E2F7: variants seen among roughly 807,000 people sequenced by gnomAD.
E2F7 encodes transcription factor E2F7.
In E2F7, 35 loss-of-function variants were observed where a neutral mutation model predicts 81.1. The ratio of observed to expected loss-of-function variants is 0.43; its 90% CI spans 0.33 to 0.57. The LOEUF (loss-of-function observed/expected upper bound fraction) is 0.57, where lower values mean the gene tolerates loss of function less well. Ranked by LOEUF, E2F7 falls within the 20% of genes least tolerant of loss-of-function variation. The probability of loss-of-function intolerance (pLI) is 0.04; values close to 1 mark genes in which losing one functional copy is unlikely to be tolerated. For synonymous variants in E2F7, 416 were observed against 416.2 expected (o/e 1.00, Z 0.01); for missense variants, 961 against 1,093.7 (o/e 0.88, Z 1.71).
Position 77,023,443 on chromosome 12 carries a change from T to C in E2F7, c.*572A>G, listed in dbSNP as rs1456250553. ...TGCAGGGCAAATTATAGAATAAAAG[T>C]ATAAACATTCAAGTCGTCATACCCT... On this transcript the variant is annotated 3_prime_UTR_variant, in exon 13 of 13. Transcript: ENST00000322886. 6.5e-6 allele frequency: 1 copy of C among 152,770 alleles called. No individual in the cohort carries two copies. The highest frequency in any genetic ancestry group is 2.4e-5 in the African/African-American group (1 of 41,452). The allele number at this position is 152,770 out of a possible 1,614,324, so 9.5% of individuals were successfully genotyped here.
chr12:77,032,321 T>C (rs1295375190), intron 9 of E2F7, among the ~76,000 whole-genome samples: 1 of 152,230 alleles, frequency 6.6e-6, no homozygotes, highest in East Asian at 1.9e-4. Context: ...TGAATGATTT[T>C]TCCTTTTCCT....
rs1310656814 is a variant in E2F7, at chr12:77,023,233, TCA to T, written c.*780_*781del. 3 of 152,656 alleles carry T rather than the reference TCA, an allele frequency of 2.0e-5. No homozygotes were observed. Among genetic ancestry groups the T allele is most frequent in the Admixed American group, 6.5e-5 (1 of 15,286 alleles). 9.5% of individuals were successfully genotyped at this position (152,656 alleles called of 1,614,324 possible). On this transcript the variant is annotated 3_prime_UTR_variant, in exon 13 of 13. Transcript: ENST00000322886. ...GAAACAAACAGTAATATCTCACTGTTCACACAGTTATTTGAGAAGCAGCAGTT... is the reference window on the plus strand; with the variant it reads ...GAAACAAACAGTAATATCTCACTGTTCACAGTTATTTGAGAAGCAGCAGTT...
chr12:77,054,690 A>T (rs1200170073), intron 3 of E2F7, among the ~76,000 whole-genome samples: 1 of 152,190 alleles, frequency 6.6e-6, no homozygotes, highest in East Asian at 1.9e-4. Flanking sequence ...TGCCAAAGTA[A>T]GAGATCAACA....
chr12:77,057,103 A>G (rs1955039702), intron 2 of E2F7, among the ~76,000 whole-genome samples: 1 of 151,892 alleles, frequency 6.6e-6, no homozygotes, highest in African/African-American at 2.4e-5. Flanking sequence ...CCCAGGCTGG[A>G]GGGCAGTGGC....
At position 77,053,709 on chromosome 12, in the gene E2F7, G is replaced by A. The variant is rs185527175; in HGVS notation, c.369+2146C>T. Among the ~76,000 whole-genome samples the A allele has an allele frequency of 1.4e-4, 22 of 152,296 alleles. No homozygotes were observed. In the East Asian group the frequency reaches 4.2e-3, roughly 29 times the overall value. On this transcript the variant is annotated intron_variant, in intron 3 of 12. Transcript: ENST00000322886. ...AACAGGAGAATGAATAAATTGTGGTGTAGTCATGCAATGGAATATCATACA... is the reference window on the plus strand; with the variant it reads ...AACAGGAGAATGAATAAATTGTGGTATAGTCATGCAATGGAATATCATACA...
intron 11 of E2F7, 70 bp from the exon 12 acceptor site, chr12:77,026,052 G>T (rs1336044056): frequency 6.8e-7 from 1 of 1,470,624 alleles, no homozygotes; most frequent in African/African-American, 1.4e-5. Flanking sequence ...GCTCACATTT[G>T]TCATGGCCCT....
rs948082924 is a variant in E2F7 at position 77,022,528 on chromosome 12, T to G, written c.*1487A>C. ...GAGTCTCTTAAATTAATATTTTCAT[T>G]CTTTCATATAACATTTTATTGGGTC... On this transcript the variant is annotated 3_prime_UTR_variant, in exon 13 of 13. Transcript: ENST00000322886. The G allele has an allele frequency of 6.6e-6, 1 of 152,516 alleles. No individual in the cohort carries two copies. The highest frequency in any genetic ancestry group is 2.4e-5 in the African/African-American group (1 of 41,426). The allele number at this position is 152,516 out of a possible 1,614,324, so 9.4% of individuals were successfully genotyped here.
intron 2 of E2F7, among the ~76,000 whole-genome samples, chr12:77,057,212 A>G (rs1955040413): frequency 6.6e-6 from 1 of 151,614 alleles, no homozygotes; most frequent in Non-Finnish European, 1.5e-5. Flanking sequence ...TGCATACTAC[A>G]GTGGTGTGCA....
In E2F7 at chr12:77,025,610, G is replaced by T; in HGVS notation, c.2513C>A (p.Pro838His). The T allele has an allele frequency of 1.2e-6, 2 of 1,614,228 alleles. No homozygotes were observed. The highest frequency in any genetic ancestry group is 1.7e-6 in the Non-Finnish European group (2 of 1,180,050). ...MSRSHSVVQQ[P>H]ESPVYVGHPV... ...ATGTCCCACGTAAACGGGGGACTCA[G>T]GTTGTTGGACGACACTGTGTGACCT... is the stretch of plus-strand genomic sequence containing the variant. The change falls in exon 12 of 13, where the codon CCT becomes CAT. Residue 838 changes from proline (P) to histidine (H), a missense_variant. Pro to His is a moderately conservative substitution (Grantham distance 77, BLOSUM62 -2). Around this residue, in one of 3 missense-constraint regions of E2F7, gnomAD observed 587 missense variants for 620.3 expected, o/e 0.95. Coordinates refer to ENST00000322886, the MANE Select transcript of E2F7 (RefSeq NM_203394.3).
Position 77,028,048 on chromosome 12 carries a change from G to T in E2F7, c.1975C>A (p.Leu659Ile), listed in dbSNP as rs1592553597. ...CCTGAAATCTCTTCTGCAGCAGGGA[G>T]TTGGCCATTCACATGAATGTCTTTG... ...PLKDIHVNGQ[L>I]PAAEEISGKA... Residue 659 changes from leucine (L) to isoleucine (I), a missense_variant, in exon 11 of 13, where the codon CTC becomes ATC. This residue lies in a region of E2F7 where 587 missense variants were observed against 620.3 expected (regional missense o/e 0.95). Transcript: ENST00000322886. The T allele has an allele frequency of 6.2e-7, 1 of 1,614,222 alleles. No homozygotes were observed. Among genetic ancestry groups the T allele is most frequent in the Non-Finnish European group, 8.5e-7 (1 of 1,180,044 alleles).
rs754017556 is a variant in E2F7, at chr12:77,028,073, G to C, written c.1950C>G (p.Leu650=). The change falls in exon 11 of 13, where the codon CTC becomes CTG. Residue 650 remains leucine (L), a synonymous_variant. Transcript: ENST00000322886. ...KTMGNRASIP[L]KDIHVNGQLP... Reference sequence around the variant, plus strand: ...GTTGGCCATTCACATGAATGTCTTTGAGGGGTATAGATGCCCTGTTACCCA... The same window carrying C: ...GTTGGCCATTCACATGAATGTCTTTCAGGGGTATAGATGCCCTGTTACCCA... 1.1e-5 allele frequency: 17 copies of C among 1,614,080 alleles called. No individual in the cohort carries two copies. The Middle Eastern group carries it at 6.6e-4, about 62-fold the overall frequency.
chr12:77,060,676 G>A (rs1031899408), intron 2 of E2F7, among the ~76,000 whole-genome samples: 2 of 152,096 alleles, frequency 1.3e-5, no homozygotes, highest in Non-Finnish European at 2.9e-5. Flanking sequence ...CCTCTTTAAT[G>A]CCACTGGCTT....
At position 77,022,834 on chromosome 12, in the gene E2F7, T is replaced by C. The variant is rs1421673771; in HGVS notation, c.*1181A>G. ...AATTGCATAACAGTTTCCAGAATTG[T>C]ATTCATGCTAGAACAACCAACCCGT... On this transcript the variant is annotated 3_prime_UTR_variant, in exon 13 of 13. Coordinates refer to ENST00000322886, the MANE Select transcript of E2F7 (RefSeq NM_203394.3). The C allele has an allele frequency of 6.6e-6, 1 of 152,202 alleles. No individual in the cohort carries two copies. The highest frequency in any genetic ancestry group is 1.5e-5 in the Non-Finnish European group (1 of 68,038). 9.4% of individuals were successfully genotyped at this position (152,202 alleles called of 1,614,324 possible).
chr12:77,063,405 C>T (rs1219162642), intron 2 of E2F7, among the ~76,000 whole-genome samples: 1 of 152,150 alleles, frequency 6.6e-6, no homozygotes, highest in Non-Finnish European at 1.5e-5. Flanking sequence ...GCTAGTTTTG[C>T]TGTCATACCC....
chr12:77,042,476 G>C (rs976871463), intron 7 of E2F7, among the ~76,000 whole-genome samples: 1 of 152,156 alleles, frequency 6.6e-6, no homozygotes, highest in South Asian at 2.1e-4. Context: ...TCTAGTCCCT[G>C]ATTGCTCATA....
intron 7 of E2F7, among the ~76,000 whole-genome samples, chr12:77,040,338 A>C (rs188960936): frequency 2.0e-5 from 3 of 152,320 alleles, no homozygotes; most frequent in African/African-American, 7.2e-5. Flanking sequence ...TGGGAGCCAA[A>C]AAGCACAAAA....
rs573284543 is a variant in E2F7 at position 77,064,717 on chromosome 12, T to C, written c.1-82A>G. 908 of 1,182,746 alleles carry C rather than the reference T, an allele frequency of 7.7e-4. 4 individuals carry two copies. The highest frequency in any genetic ancestry group is 3.7e-3 in the Middle Eastern group (19 of 5,094). The allele number at this position is 1,182,746 out of a possible 1,614,324, so 73.3% of individuals were successfully genotyped here. A position where few individuals can be genotyped will look rare whatever the true frequency, so the allele number is the denominator to read the frequency against. On this transcript the variant is annotated intron_variant, in intron 1 of 12. Coordinates refer to ENST00000322886, the MANE Select transcript of E2F7 (RefSeq NM_203394.3). Reference sequence around the variant, plus strand: ...ACAAAAATATCTACATATGTGTTACTTGTTTGTCAATATGAAATTCCCCCT... The same window carrying C: ...ACAAAAATATCTACATATGTGTTACCTGTTTGTCAATATGAAATTCCCCCT...
chr12:77,046,441 T>C (rs949533344), intron 4 of E2F7, 113 bp from the exon 5 acceptor site: 5 of 1,129,812 alleles, frequency 4.4e-6, no homozygotes, highest in African/African-American at 3.1e-5. Context: ...CCCAATATAA[T>C]GCCCACTGCG....
At position 77,025,922 on chromosome 12, in the gene E2F7, G is replaced by A; in HGVS notation, c.2201C>T (p.Ser734Phe). 1.2e-6 allele frequency: 2 copies of A among 1,614,084 alleles called. No individual in the cohort carries two copies. Among genetic ancestry groups the A allele is most frequent in the Non-Finnish European group, 1.7e-6 (2 of 1,180,002 alleles). The change falls in exon 12 of 13, where the codon TCC becomes TTC. Residue 734 changes from serine (S) to phenylalanine (F), a missense_variant. Transcript: ENST00000322886. ...GSQTPPTVGP[S>F]SGQLPSFSVP... is the part of the protein sequence containing the mutation. ...ACTGAAAGACGGCAGCTGACCTGAG[G>A]ACGGGCCCACAGTAGGGGGGGTTTG... is the stretch of plus-strand genomic sequence containing the variant.
Sources: allele counts gnomAD v4.1 joint callset (sites outside exome capture counted in the v4.1 genomes callset), GRCh38; gene constraint gnomAD v4.1.1; regional missense constraint gnomAD v4.1.1; transcripts MANE v1.5; gene names NCBI Gene and HGNC (gene_info 2026-07-23, HGNC 2026-07-21).